The following NUP62CL variants were observed in gnomAD, a reference collection of about 807,000 sequenced individuals.
NUP62CL encodes nucleoporin 62 C-terminal like.
Under a neutral mutation model 15.3 loss-of-function variants are expected in NUP62CL, and 13 were observed. The ratio of observed to expected loss-of-function variants is 0.85; its 90% CI spans 0.55 to 1.35. NUP62CL has a LOEUF of 1.35. Among genes scored for constraint, NUP62CL ranks in the 40% most tolerant of loss-of-function variants. The pLI, the probability that NUP62CL is intolerant of heterozygous loss-of-function variation, is 0.00. For synonymous variants in NUP62CL, 54 were observed against 49.2 expected (o/e 1.10, Z -0.41); for missense variants, 123 against 130.6 (o/e 0.94, Z 0.28).
chrX:107,169,103 A>T (rs947011916), intron 3 of NUP62CL, among the ~76,000 whole-genome samples: 1 of 111,962 alleles, frequency 8.9e-6, no homozygotes, highest in Non-Finnish European at 1.9e-5. Flanking sequence ...ATTTTCAAAA[A>T]TTTAGCAATA....
At chrX:107,166,165 A>T (rs1413179129) in intron 4 of NUP62CL, among the ~76,000 whole-genome samples, 1 of 111,906 alleles carries the variant, frequency 8.9e-6, no homozygotes, top group Non-Finnish European at 1.9e-5. Flanking sequence ...CATATCTGAC[A>T]AAAGACTGGC....
intron 3 of NUP62CL, among the ~76,000 whole-genome samples, chrX:107,171,856 A>G (rs1342035538): frequency 1.2e-5 from 1 of 84,136 alleles, no homozygotes; most frequent in Non-Finnish European, 2.2e-5. Context: ...GATTCAACCC[A>G]TGACTAAAAG....
chrX:107,180,913 CT>C (rs35001668), intron 2 of NUP62CL, among the ~76,000 whole-genome samples: 1,074 of 85,042 alleles, frequency 0.013, 2 homozygotes, highest in African/African-American at 0.015. Context: ...TATGGTTTCG[CT>C]TTTTTTTTTT....
chrX:107,142,299 A>C (rs748028074), intron 8 of NUP62CL, among the ~76,000 whole-genome samples: 130 of 111,138 alleles, frequency 1.2e-3, no homozygotes, highest in Admixed American at 3.4e-3. Context: ...GCACCAAAAA[A>C]ATAAGGTGTT....
chrX:107,156,514 G>A (rs1181455562), intron 4 of NUP62CL, among the ~76,000 whole-genome samples: 3 of 104,631 alleles, frequency 2.9e-5, no homozygotes, highest in Non-Finnish European at 5.9e-5. Flanking sequence ...CCCCCAGCAG[G>A]GGCACACTGA....
chrX:107,170,339 G>A (rs921127791), intron 3 of NUP62CL, among the ~76,000 whole-genome samples: 2 of 109,881 alleles, frequency 1.8e-5, no homozygotes, highest in African/African-American at 6.6e-5. Flanking sequence ...ATGCATGTAC[G>A]AATTGTTTTT....
At chrX:107,147,894 T>A (rs772529749) in intron 7 of NUP62CL, 85 bp from the exon 8 acceptor site, 2 of 735,704 alleles carry the variant, frequency 2.7e-6, no homozygotes, top group East Asian at 6.5e-5. Context: ...CATTAGGAAG[T>A]GACTTTTAAT....
Position 107,157,152 on chromosome X carries a change from T to C in NUP62CL, c.195-2906A>G, listed in dbSNP as rs1473687039. Among the ~76,000 whole-genome samples, 23 of 110,371 alleles carry C rather than the reference T, an allele frequency of 2.1e-4. No homozygotes were observed. The South Asian group carries it at 7.9e-3, about 38-fold the overall frequency. On this transcript the variant is annotated intron_variant, in intron 4 of 8. Transcript: ENST00000372466. ...GTGAAAAGACCAAATCTACGTCTGA[T>C]TGGTGTACCTGAAAGTGATGGGGAG...
chrX:107,136,277 G>T (rs1925638538), intron 8 of NUP62CL, among the ~76,000 whole-genome samples: 1 of 111,416 alleles, frequency 9.0e-6, no homozygotes, highest in African/African-American at 3.3e-5. Context: ...GGGTAAAAAG[G>T]AAATCCTATC....
At chrX:107,198,245 G>A (rs1927400307) in intron 1 of NUP62CL, among the ~76,000 whole-genome samples, 1 of 111,918 alleles carries the variant, frequency 8.9e-6, no homozygotes, top group Non-Finnish European at 1.9e-5. Flanking sequence ...CTAGCTAAAG[G>A]TTTGTAAATG....
At chrX:107,170,930 G>T (rs1475609283) in intron 3 of NUP62CL, among the ~76,000 whole-genome samples, 1 of 111,606 alleles carries the variant, frequency 9.0e-6, no homozygotes, top group Non-Finnish European at 1.9e-5. Context: ...GGGAAGTATG[G>T]TTCTAAAAAT....
At chrX:107,152,049 G>GATATATAT (rs778670339) in intron 7 of NUP62CL, among the ~76,000 whole-genome samples, 25 of 41,124 alleles carry the variant, frequency 6.1e-4, no homozygotes, top group African/African-American at 2.9e-3. Flanking sequence ...TATATATTCA[G>GATATATAT]ATATATATAT....
At chrX:107,153,695 TG>T (rs1190407998) in intron 5 of NUP62CL, among the ~76,000 whole-genome samples, 192 bp from the exon 6 acceptor site, 1 of 112,317 alleles carries the variant, frequency 8.9e-6, no homozygotes, top group Non-Finnish European at 1.9e-5. Flanking sequence ...GGGCTGGGTA[TG>T]GTGGCTCATG....
At chrX:107,183,076 C>T (rs1353612109) in intron 2 of NUP62CL, among the ~76,000 whole-genome samples, 1 of 111,467 alleles carries the variant, frequency 9.0e-6, no homozygotes, top group Non-Finnish European at 1.9e-5. Context: ...GCCTGCAGTC[C>T]TAGCTACTCC....
intron 3 of NUP62CL, among the ~76,000 whole-genome samples, chrX:107,174,178 G>C (rs1383228793): frequency 1.1e-5 from 1 of 93,297 alleles, no homozygotes; most frequent in East Asian, 3.5e-4. Context: ...GTTTGACAGG[G>C]TGTTACTCCG....
intron 1 of NUP62CL, among the ~76,000 whole-genome samples, chrX:107,193,781 C>A (rs1927302461): frequency 1.8e-5 from 2 of 110,764 alleles, no homozygotes; most frequent in Admixed American, 1.9e-4. Flanking sequence ...TGAGAGAATT[C>A]TTATCCCAGA....
chrX:107,164,869 G>C (rs895839359), intron 4 of NUP62CL, among the ~76,000 whole-genome samples: 2 of 112,921 alleles, frequency 1.8e-5, no homozygotes, highest in Admixed American at 9.4e-5. Flanking sequence ...GGGAGGCCCA[G>C]ACGGGAGGAT....
chrX:107,194,676 T>C (rs1458443018), intron 1 of NUP62CL, among the ~76,000 whole-genome samples: 2 of 111,148 alleles, frequency 1.8e-5, no homozygotes, highest in Admixed American at 9.6e-5. Flanking sequence ...TTTTAAATAC[T>C]TTTTGAAAGA....
intron 8 of NUP62CL, among the ~76,000 whole-genome samples, chrX:107,141,299 G>C (rs1478902553): frequency 8.9e-6 from 1 of 111,922 alleles, no homozygotes; most frequent in Non-Finnish European, 1.9e-5. Flanking sequence ...AAGAGACAAA[G>C]GTGTGACAAA....
Sources: allele counts gnomAD v4.1 joint callset (sites outside exome capture counted in the v4.1 genomes callset), GRCh38; gene constraint gnomAD v4.1.1; transcripts MANE v1.5; gene names NCBI Gene and HGNC (gene_info 2026-07-23, HGNC 2026-07-21).